BAZ2B: variants seen among roughly 807,000 people sequenced by gnomAD.
BAZ2B encodes the protein bromodomain adjacent to zinc finger domain protein 2B.
A neutral mutation model predicts 246.0 loss-of-function variants in BAZ2B; 91 were observed. The observed-to-expected ratio is 0.37, with a 90% CI of 0.31 to 0.44. The LOEUF (loss-of-function observed/expected upper bound fraction) is 0.44. Ranked by LOEUF, BAZ2B falls within the 20% of genes least tolerant of loss-of-function variation. The probability of loss-of-function intolerance (pLI) is 1.00; values close to 1 mark genes in which losing one functional copy is unlikely to be tolerated. For synonymous variants in BAZ2B, 855 were observed against 860.0 expected, an observed-to-expected ratio of 0.99 and a Z score of 0.10; for missense variants, 2,332 against 2,533.7, an observed-to-expected ratio of 0.92 and a Z score of 1.71.
chr2:159,447,194 G>A (rs1049939679), intron 5 of BAZ2B, among the ~76,000 whole-genome samples: 4 of 152,130 alleles, frequency 2.6e-5, no homozygotes, highest in Non-Finnish European at 4.4e-5. Flanking sequence ...TGAGAGAGAG[G>A]GGAATGGGAG....
At chr2:159,361,099 A>G (rs993472549) in intron 27 of BAZ2B, among the ~76,000 whole-genome samples, 7 of 152,184 alleles carry the variant, frequency 4.6e-5, no homozygotes, top group African/African-American at 7.2e-5. Flanking sequence ...AAATTGACAA[A>G]TGGGATCTAA....
intron 2 of BAZ2B, among the ~76,000 whole-genome samples, chr2:159,553,369 T>C (rs183028043): frequency 2.4e-4 from 28 of 117,852 alleles, no homozygotes; most frequent in African/African-American, 9.5e-4. Context: ...CACTCCAGCC[T>C]GGGCAAGAGT....
chr2:159,703,649 T>C, the BAZ2B span, among the ~76,000 whole-genome samples: 61,328 of 152,006 alleles, frequency 0.4, 12,901 homozygotes, highest in African/African-American at 0.5. Context: ...TTTGGAAGGC[T>C]GAGGTGAGCA....
At chr2:159,655,355 A>T in the BAZ2B span, among the ~76,000 whole-genome samples, 1 of 152,064 alleles carries the variant, frequency 6.6e-6, no homozygotes, top group Admixed American at 6.6e-5. Context: ...CCATAAACCC[A>T]CCTCCAGGAC....
intron 31 of BAZ2B, among the ~76,000 whole-genome samples, chr2:159,346,451 T>A (rs1323659412): frequency 2.0e-5 from 3 of 152,160 alleles, no homozygotes; most frequent in Non-Finnish European, 2.9e-5. Context: ...ATGCCTGTAA[T>A]CCCAGTATTT....
chr2:159,412,981 C>A (rs1232598169), intron 13 of BAZ2B, among the ~76,000 whole-genome samples: 1 of 152,134 alleles, frequency 6.6e-6, no homozygotes, highest in East Asian at 1.9e-4. Context: ...TTACAGCTAA[C>A]AAATTAAGAC....
rs570582572 is a variant in BAZ2B, at chr2:159,510,987, CAAATCAAGACTCATTT to C, written c.-2-32282_-2-32267del. ...AAACTAGACTGGTTGCTCAAATTAT[CAAATCAAGACTCATTT>C]AATATTTGTTTATACTTTATTTACC... On this transcript the variant is annotated intron_variant, in intron 2 of 36. Transcript: ENST00000392783. 2.5e-4 allele frequency among the ~76,000 whole-genome samples: 38 copies of C among 152,230 alleles called. No homozygotes were observed. The East Asian group carries it at 6.0e-3, about 24-fold the overall frequency.
chr2:159,453,651 G>A lies in BAZ2B; in HGVS notation c.296C>T (p.Thr99Ile). 3 of 1,613,288 alleles carry A rather than the reference G, an allele frequency of 1.9e-6. No individual in the cohort carries two copies. The highest frequency in any genetic ancestry group is 2.2e-5 in the East Asian group (1 of 44,848). ...TAGTTGGGGATGTGCGGCTAAGGCT[G>A]TGGGTGTACCAAGTGTCCCCAAACC... ...FGGLGTLGTP[T>I]ALAAHPQLAS... is the part of the protein sequence containing the mutation. The change falls in exon 4 of 37, where the codon ACA becomes ATA. Residue 99 changes from threonine (T) to isoleucine (I), a missense_variant. Thr to Ile is a moderately conservative substitution (Grantham distance 89). Transcript: ENST00000392783.
rs1052278839 is a variant in BAZ2B at position 159,570,199 on chromosome 2, T to G, written c.-45-14334A>C. On this transcript the variant is annotated intron_variant, in intron 1 of 36. Transcript: ENST00000392783. ...TTTTTTTTGTTTTTTTTGTTTTTTT[T>G]CTGGAGACAGACTCTCGCTCTGTGG... is the stretch of plus-strand genomic sequence containing the variant. 8.1e-4 allele frequency among the ~76,000 whole-genome samples: 123 copies of G among 151,794 alleles called. 1 individual carries two copies. The highest frequency in any genetic ancestry group is 4.3e-4 in the Non-Finnish European group (29 of 67,942).
chr2:159,482,894 T>A (rs2079396044), intron 2 of BAZ2B, among the ~76,000 whole-genome samples: 1 of 152,166 alleles, frequency 6.6e-6, no homozygotes, highest in African/African-American at 2.4e-5. Flanking sequence ...ACAGTTCAGG[T>A]ATCCAAGAAC....
chr2:159,698,732 A>G, the BAZ2B span, among the ~76,000 whole-genome samples: 1 of 152,082 alleles, frequency 6.6e-6, no homozygotes, highest in African/African-American at 2.4e-5. Flanking sequence ...CCCTAAATCA[A>G]TGCTTTCTTT....
intron 1 of BAZ2B, among the ~76,000 whole-genome samples, chr2:159,566,282 A>G (rs1682558565): frequency 6.6e-6 from 1 of 152,182 alleles, no homozygotes; most frequent in Non-Finnish European, 1.5e-5. Context: ...AAGTGCTGGG[A>G]TTACAGGTGT....
At chr2:159,564,403 T>C (rs1314380107) in intron 1 of BAZ2B, among the ~76,000 whole-genome samples, 1 of 152,080 alleles carries the variant, frequency 6.6e-6, no homozygotes, top group Non-Finnish European at 1.5e-5. Flanking sequence ...TGTGATTTGA[T>C]TTAAAAAAAC....
At chr2:159,709,663 T>C in the BAZ2B span, among the ~76,000 whole-genome samples, 1 of 152,144 alleles carries the variant, frequency 6.6e-6, no homozygotes, top group African/African-American at 2.4e-5. Flanking sequence ...TTATGCAAAG[T>C]AAAGGATATC....
At chr2:159,383,402 T>C (rs561845288) in intron 24 of BAZ2B, among the ~76,000 whole-genome samples, 34 of 143,314 alleles carry the variant, frequency 2.4e-4, no homozygotes, top group African/African-American at 6.8e-4. Flanking sequence ...GTATGAAGAA[T>C]ATAAGCTCAA....
chr2:159,352,978 G>A (rs1379094520), intron 27 of BAZ2B, among the ~76,000 whole-genome samples: 1 of 152,088 alleles, frequency 6.6e-6, no homozygotes, highest in Non-Finnish European at 1.5e-5. Context: ...TGTCTCTAAA[G>A]AAAATAAAAG....
At chr2:159,362,479 G>A (rs116260733) in intron 27 of BAZ2B, among the ~76,000 whole-genome samples, 1,706 of 152,292 alleles carry the variant, frequency 0.011, 17 homozygotes, top group Non-Finnish European at 0.019. Context: ...TCCAAGTCCT[G>A]TGGAATCATT....
the BAZ2B span, chr2:159,690,071 A>G: frequency 2.1e-6 from 1 of 479,230 alleles, no homozygotes; most frequent in South Asian, 3.2e-5. Context: ...ATCAGTTTGA[A>G]TTTTTCTAAA....
chr2:159,359,168 G>A (rs1173979885), intron 27 of BAZ2B, among the ~76,000 whole-genome samples: 2 of 152,126 alleles, frequency 1.3e-5, no homozygotes, highest in Non-Finnish European at 2.9e-5. Context: ...GAATCCAGGA[G>A]CTGGTTTTTT....
Sources: gnomAD v4.1 joint callset for allele counts (sites outside exome capture counted in the v4.1 genomes callset) on GRCh38, gnomAD v4.1.1 for gene constraint, MANE v1.5 for transcripts, NCBI Gene and HGNC (gene_info 2026-07-23, HGNC 2026-07-21) for gene names.